Variants in NEGR1 observed in about 807,000 individuals in gnomAD.
NEGR1 encodes the protein IgLON family member 4.
In NEGR1, 10 loss-of-function variants were observed where a neutral mutation model predicts 40.9. The observed-to-expected ratio is 0.24, with a 90% CI of 0.15 to 0.42. NEGR1 has a LOEUF of 0.42. Among genes scored for constraint, NEGR1 ranks in the 10% least tolerant of loss-of-function variants. The probability of loss-of-function intolerance (pLI) is 1.00; values close to 1 mark genes in which losing one functional copy is unlikely to be tolerated. For synonymous variants in NEGR1, 185 were observed against 166.8 expected (o/e 1.11, Z -0.84); for missense variants, 352 against 438.9 (o/e 0.80, Z 1.77).
At chr1:71,521,872 T>A (rs1483615578) in intron 6 of NEGR1, among the ~76,000 whole-genome samples, 1 of 152,030 alleles carries the variant, frequency 6.6e-6, no homozygotes, top group African/African-American at 2.4e-5. Context: ...GTGACTGCAT[T>A]CTGCTGGCTG....
At chr1:71,914,188 AGAGGACAGGAATACATTATTATATCCT>A (rs1661507471) in intron 2 of NEGR1, among the ~76,000 whole-genome samples, 1 of 152,304 alleles carries the variant, frequency 6.6e-6, no homozygotes, top group South Asian at 2.1e-4. Flanking sequence ...GAGAAGACAC[AGAGGACAGGAATACATTATTATATCCT>A]GAGGACAGGA....
intron 2 of NEGR1, among the ~76,000 whole-genome samples, chr1:71,823,345 C>A (rs887641022): frequency 2.0e-5 from 3 of 151,744 alleles, no homozygotes; most frequent in Admixed American, 1.3e-4. Context: ...TCAAAGTTGA[C>A]TTTGCTTCAT....
intron 1 of NEGR1, among the ~76,000 whole-genome samples, chr1:72,248,935 T>C (rs1196394870): frequency 1.3e-5 from 2 of 152,172 alleles, no homozygotes; most frequent in African/African-American, 2.4e-5. Context: ...ATTTTAACCA[T>C]ATTATCTGTA....
intron 1 of NEGR1, among the ~76,000 whole-genome samples, chr1:71,943,025 T>C (rs888933866): frequency 1.5e-5 from 2 of 134,010 alleles, no homozygotes; most frequent in Non-Finnish European, 3.3e-5. Flanking sequence ...TGTGTATATA[T>C]ATACACACAT....
At chr1:72,130,640 C>A (rs1255181099) in intron 1 of NEGR1, among the ~76,000 whole-genome samples, 1 of 152,122 alleles carries the variant, frequency 6.6e-6, no homozygotes, top group Non-Finnish European at 1.5e-5. Context: ...CGTGCTTGGA[C>A]AATCAGAACA....
At chr1:71,743,402 C>T (rs1202334301) in intron 3 of NEGR1, among the ~76,000 whole-genome samples, 1 of 147,920 alleles carries the variant, frequency 6.8e-6, no homozygotes, top group Non-Finnish European at 1.5e-5. Context: ...ATTCAGCTGT[C>T]ATTGGTTTTT....
chr1:71,553,761 A>G (rs189560502), intron 6 of NEGR1, among the ~76,000 whole-genome samples: 83 of 151,662 alleles, frequency 5.5e-4, no homozygotes, highest in Admixed American at 4.9e-3. Context: ...AAAAAGTTTG[A>G]TAGGTGATGG....
intron 3 of NEGR1, among the ~76,000 whole-genome samples, chr1:71,701,339 C>T (rs115966555): frequency 0.032 from 4,892 of 151,974 alleles, 148 homozygotes; most frequent in Admixed American, 0.074. Flanking sequence ...TTCTTGGTGG[C>T]TGTTAGCTTA....
chr1:72,163,087 G>GT (rs1651642064), intron 1 of NEGR1, among the ~76,000 whole-genome samples: 1 of 152,044 alleles, frequency 6.6e-6, no homozygotes, highest in Non-Finnish European at 1.5e-5. Flanking sequence ...TTAAATGGCA[G>GT]TTTTTCTTGG....
chr1:72,097,864 A>T (rs191474897), intron 1 of NEGR1, among the ~76,000 whole-genome samples: 36 of 152,318 alleles, frequency 2.4e-4, no homozygotes, highest in African/African-American at 8.4e-4. Context: ...TGGGATCATT[A>T]AAATGTTTGA....
chr1:71,710,669 A>T (rs902098700), intron 3 of NEGR1, among the ~76,000 whole-genome samples: 3 of 152,096 alleles, frequency 2.0e-5, no homozygotes, highest in African/African-American at 4.8e-5. Flanking sequence ...TGGTATCTAA[A>T]AATAATAATA....
intron 1 of NEGR1, among the ~76,000 whole-genome samples, chr1:72,088,234 A>G (rs1241248784): frequency 1.3e-5 from 2 of 152,198 alleles, no homozygotes; most frequent in Non-Finnish European, 2.9e-5. Flanking sequence ...CAGTAAGAAC[A>G]TCACCTACAA....
At position 71,614,102 on chromosome 1, in the gene NEGR1, A is replaced by G. The variant is rs1020295384; in HGVS notation, c.668-2956T>C. ...TGTGGTGTTTTTATTCTTATTATTT[A>G]TAGTTCTAGAAAACATTGCAAGGAA... On this transcript the variant is annotated intron_variant, in intron 4 of 6. Transcript: ENST00000357731. Among the ~76,000 whole-genome samples the G allele has an allele frequency of 8.5e-5, 13 of 152,204 alleles. No homozygotes were observed. In the East Asian group the frequency reaches 2.5e-3, roughly 29 times the overall value.
chr1:71,839,360 C>T (rs1046025920), intron 2 of NEGR1, among the ~76,000 whole-genome samples: 2 of 151,802 alleles, frequency 1.3e-5, no homozygotes, highest in African/African-American at 4.8e-5. Flanking sequence ...TGAGCCACCA[C>T]ATCCAGCTAA....
chr1:71,476,343 T>C (rs1047712720), intron 6 of NEGR1, among the ~76,000 whole-genome samples: 10 of 152,106 alleles, frequency 6.6e-5, no homozygotes, highest in African/African-American at 2.4e-4. Flanking sequence ...ATCAATAAAA[T>C]AAGCAATATA....
intron 1 of NEGR1, among the ~76,000 whole-genome samples, chr1:72,139,230 T>TC (rs1194368959): frequency 8.1e-6 from 1 of 123,776 alleles, no homozygotes; most frequent in Admixed American, 8.8e-5. Flanking sequence ...GACTTCAACC[T>TC]CCCCCTTAAG....
At chr1:71,669,354 C>T (rs904084921) in intron 4 of NEGR1, among the ~76,000 whole-genome samples, 1 of 151,940 alleles carries the variant, frequency 6.6e-6, no homozygotes, top group Non-Finnish European at 1.5e-5. Flanking sequence ...GGGTATATAG[C>T]TATCATAATT....
chr1:71,678,120 A>T (rs867642685), intron 4 of NEGR1, among the ~76,000 whole-genome samples: 15 of 152,178 alleles, frequency 9.9e-5, no homozygotes, highest in African/African-American at 3.6e-4. Flanking sequence ...AGAAGTATGC[A>T]CACACCTCCA....
At chr1:71,690,518 G>T (rs1481085491) in intron 4 of NEGR1, among the ~76,000 whole-genome samples, 2 of 148,016 alleles carry the variant, frequency 1.4e-5, no homozygotes, top group Non-Finnish European at 3.0e-5. Context: ...ATTAGAACAT[G>T]AATCTAGAGG....
Sources: allele counts gnomAD v4.1 joint callset (sites outside exome capture counted in the v4.1 genomes callset), GRCh38; gene constraint gnomAD v4.1.1; transcripts MANE v1.5; gene names NCBI Gene and HGNC (gene_info 2026-07-23, HGNC 2026-07-21).